DGKB: variants seen among roughly 807,000 people sequenced by gnomAD.
The protein encoded by DGKB is diacylglycerol kinase beta.
DGKB carries 67 observed loss-of-function variants against 114.3 expected under a neutral mutation model. The observed-to-expected ratio is 0.59, with a 90% CI of 0.48 to 0.72. The LOEUF (loss-of-function observed/expected upper bound fraction) is 0.72, where lower values mean the gene tolerates loss of function less well. DGKB is among the 30% of genes least tolerant of loss of function. The pLI is 0.00. For synonymous variants in DGKB, 398 were observed against 323.1 expected (o/e 1.23, Z -2.49); for missense variants, 907 against 975.2 (o/e 0.93, Z 0.93).
chr7:14,579,826 T>C (rs1799667750), intron 19 of DGKB, among the ~76,000 whole-genome samples: 1 of 152,150 alleles, frequency 6.6e-6, no homozygotes, highest in African/African-American at 2.4e-5. Flanking sequence ...CAATTCCAGA[T>C]ATTTCCATTC....
intron 21 of DGKB, among the ~76,000 whole-genome samples, chr7:14,362,039 G>A (rs1039958694): frequency 6.6e-6 from 1 of 151,878 alleles, no homozygotes; most frequent in Non-Finnish European, 1.5e-5. Flanking sequence ...GATATTTACG[G>A]TCACTCATTT....
chr7:14,705,985 C>T lies in DGKB; in HGVS notation c.467-4255G>A, dbSNP rs368923267. Among the ~76,000 whole-genome samples, 555 of 151,448 alleles carry T rather than the reference C, an allele frequency of 3.7e-3. 4 individuals are homozygous for T. Among genetic ancestry groups the T allele is most frequent in the African/African-American group, 0.012 (494 of 41,152 alleles). ...TAACAATATTAACTTTAAATGTAAA[C>T]GGACTAAATGCTCCAATTAAAAGAC... is the stretch of plus-strand genomic sequence containing the variant. On this transcript the variant is annotated intron_variant, in intron 6 of 25. Transcript: ENST00000402815.
intron 1 of DGKB, among the ~76,000 whole-genome samples, chr7:14,896,341 G>C (rs1377569316): frequency 6.6e-6 from 1 of 151,580 alleles, no homozygotes; most frequent in African/African-American, 2.4e-5. Flanking sequence ...GTTTATGTGT[G>C]TTGTTTAACT....
At chr7:14,583,225 A>C in intron 17 of DGKB, 88 bp from the exon 18 acceptor site, 1 of 711,798 alleles carries the variant, frequency 1.4e-6, no homozygotes. Flanking sequence ...TACCCGATGA[A>C]ATACGTTTTT....
rs1025895542 is a variant in DGKB, at chr7:14,343,528, A to AT, written c.1926+1772dup. Among the ~76,000 whole-genome samples the AT allele has an allele frequency of 4.8e-3, 717 of 149,360 alleles. 5 individuals carry two copies. The highest frequency in any genetic ancestry group is 8.4e-3 in the Non-Finnish European group (562 of 67,064). On this transcript the variant is annotated intron_variant, in intron 22 of 25. Transcript: ENST00000402815. ...TGTAAACACAACACTTTTCTTAAAG[A>AT]TTTTTTTTTTGTACTTTGTGACACA...
rs538263957 is a variant in DGKB at position 14,880,595 on chromosome 7, T to C, written c.-188+21997A>G. On this transcript the variant is annotated intron_variant, in intron 1 of 25. Coordinates refer to ENST00000402815, the MANE Select transcript of DGKB (RefSeq NM_001350709.2). ...ACTTACAAATGGAAGAGGTTTGGAT[T>C]GCATCCTCATGCCATAAGAAGCCCC... Among the ~76,000 whole-genome samples, 378 of 152,316 alleles carry C rather than the reference T, an allele frequency of 2.5e-3. 2 individuals are homozygous for C. Among genetic ancestry groups the C allele is most frequent in the African/African-American group, 8.7e-3 (360 of 41,564 alleles).
At chr7:14,428,458 G>T (rs1463291857) in intron 21 of DGKB, among the ~76,000 whole-genome samples, 1 of 152,124 alleles carries the variant, frequency 6.6e-6, no homozygotes, top group Admixed American at 6.6e-5. Context: ...ATGAGGAAGT[G>T]AGAGGTTCAT....
intron 17 of DGKB, among the ~76,000 whole-genome samples, chr7:14,589,760 T>C (rs1355269673): frequency 6.6e-6 from 1 of 152,104 alleles, no homozygotes; most frequent in Non-Finnish European, 1.5e-5. Context: ...GATTCTTGTG[T>C]ATTAATATTT....
At chr7:14,656,054 A>T (rs1276149979) in intron 13 of DGKB, among the ~76,000 whole-genome samples, 1 of 151,720 alleles carries the variant, frequency 6.6e-6, no homozygotes, top group Non-Finnish European at 1.5e-5. Flanking sequence ...CGAAGAAATG[A>T]TAAATGTTTT....
At chr7:14,467,465 G>A (rs966751774) in intron 21 of DGKB, among the ~76,000 whole-genome samples, 3 of 150,936 alleles carry the variant, frequency 2.0e-5, no homozygotes, top group East Asian at 1.9e-4. Context: ...ATATATGTAC[G>A]CATATTATAT....
intron 1 of DGKB, among the ~76,000 whole-genome samples, chr7:14,955,748 T>C (rs545441653): frequency 6.6e-6 from 1 of 152,184 alleles, no homozygotes; most frequent in Admixed American, 6.6e-5. Context: ...ATGGTGCTGC[T>C]GATAAACGAA....
At chr7:14,894,293 A>G (rs1781760678) in intron 1 of DGKB, among the ~76,000 whole-genome samples, 1 of 151,348 alleles carries the variant, frequency 6.6e-6, no homozygotes, top group Admixed American at 6.6e-5. Flanking sequence ...GTCTTTCTTT[A>G]TCTCTTAACA....
chr7:14,214,101 A>C (rs1788575195), intron 23 of DGKB, among the ~76,000 whole-genome samples: 1 of 152,034 alleles, frequency 6.6e-6, no homozygotes, highest in Non-Finnish European at 1.5e-5. Flanking sequence ...TTATTTCCTA[A>C]CTGGTCTCCC....
At chr7:14,220,542 C>G (rs528969807) in intron 23 of DGKB, among the ~76,000 whole-genome samples, 1 of 151,326 alleles carries the variant, frequency 6.6e-6, no homozygotes, top group Non-Finnish European at 1.5e-5. Context: ...ACTCCTTTTT[C>G]GAAATCAGAA....
intron 13 of DGKB, among the ~76,000 whole-genome samples, chr7:14,636,234 G>C (rs1194925515): frequency 1.3e-5 from 2 of 151,578 alleles, no homozygotes; most frequent in East Asian, 3.9e-4. Context: ...TGGGTCCAAC[G>C]AACAATATCA....
chr7:14,602,370 A>G (rs1212078898), intron 17 of DGKB, among the ~76,000 whole-genome samples: 1 of 152,184 alleles, frequency 6.6e-6, no homozygotes, highest in Non-Finnish European at 1.5e-5. Flanking sequence ...TGTATGTAAG[A>G]AGAACACGAA....
chr7:14,195,797 AAAC>A (rs1427886212), intron 23 of DGKB, among the ~76,000 whole-genome samples: 4 of 152,196 alleles, frequency 2.6e-5, no homozygotes, highest in Non-Finnish European at 5.9e-5. Flanking sequence ...GATTTACAGT[AAAC>A]ATTTCCTTGT....
intron 5 of DGKB, among the ~76,000 whole-genome samples, chr7:14,733,653 A>C (rs908144907): frequency 3.3e-5 from 5 of 152,028 alleles, no homozygotes; most frequent in African/African-American, 1.2e-4. Flanking sequence ...ATGCCACTGC[A>C]CTCAAGCCTG....
intron 25 of DGKB, among the ~76,000 whole-genome samples, chr7:14,167,207 T>C (rs1401566815): frequency 5.9e-4 from 8 of 13,556 alleles, no homozygotes; most frequent in African/African-American, 1.0e-3. Flanking sequence ...TGAGACTCCA[T>C]CTCAAAAAAA....
Sources: gnomAD v4.1 joint callset for allele counts (sites outside exome capture counted in the v4.1 genomes callset) on GRCh38, gnomAD v4.1.1 for gene constraint, MANE v1.5 for transcripts, NCBI Gene and HGNC (gene_info 2026-07-23, HGNC 2026-07-21) for gene names.